DCAF12: variants seen among roughly 807,000 people sequenced by gnomAD.
DCAF12 encodes DDB1- and CUL4-associated factor 12.
DCAF12 carries 28 observed loss-of-function variants against 52.8 expected under a neutral mutation model. The observed-to-expected ratio is 0.53, with a 90% confidence interval of 0.39 to 0.73. The LOEUF (loss-of-function observed/expected upper bound fraction) is 0.73, where lower values mean the gene tolerates loss of function less well. Among genes scored for constraint, DCAF12 ranks in the 30% least tolerant of loss-of-function variants. DCAF12 has a pLI of 0.00. For missense variants in DCAF12, 425 were observed against 552.2 expected, an observed-to-expected ratio of 0.77 and a Z score of 2.31; for synonymous variants, 196 against 215.5, an observed-to-expected ratio of 0.91 and a Z score of 0.79.
chr9:34,088,632 G>T, intron 8 of DCAF12, 124 bp from the exon 9 acceptor site: 1 of 1,063,858 alleles, frequency 9.4e-7, no homozygotes, highest in Non-Finnish European at 1.4e-6. Context: ...ACAACCTCAT[G>T]TCAGGAGATT....
intron 2 of DCAF12, among the ~76,000 whole-genome samples, chr9:34,111,264 G>A (rs1042571163): frequency 1.3e-5 from 2 of 152,080 alleles, no homozygotes; most frequent in African/African-American, 4.8e-5. Flanking sequence ...CATTACAGGT[G>A]TGAGCCACCG....
At position 34,098,347 on chromosome 9, in the gene DCAF12, G is replaced by C; in HGVS notation, c.772C>G (p.Leu258Val). ...ACCTTGTTCTTGTTGTTGAAGGCCA[G>C]AGCCCGAACCTTGCAGTTGTCAGGG... The part of the protein sequence containing the change: ...TNPDNCKVRA[L>V]AFNNKNKELG... Residue 258 changes from leucine (L) to valine (V), a missense_variant, in exon 5 of 9, where the codon CTG becomes GTG. Leu to Val is a conservative substitution (Grantham distance 32). This residue lies in a region of DCAF12 where 328 missense variants were observed against 444.4 expected (regional missense o/e 0.74). Coordinates refer to ENST00000361264, the MANE Select transcript of DCAF12 (RefSeq NM_015397.4). 6.2e-7 allele frequency: 1 copy of C among 1,614,176 alleles called. No homozygotes were observed. The highest frequency in any genetic ancestry group is 8.5e-7 in the Non-Finnish European group (1 of 1,180,014).
At chr9:34,118,271 C>T (rs1346350634) in intron 2 of DCAF12, among the ~76,000 whole-genome samples, 1 of 152,042 alleles carries the variant, frequency 6.6e-6, no homozygotes, top group Non-Finnish European at 1.5e-5. Flanking sequence ...GTAGCCGGGA[C>T]CACAGGCATG....
At chr9:34,101,203 C>T (rs1239977097) in intron 4 of DCAF12, among the ~76,000 whole-genome samples, 1 of 151,660 alleles carries the variant, frequency 6.6e-6, no homozygotes, top group Non-Finnish European at 1.5e-5. Flanking sequence ...TCCCAAGTAG[C>T]TGGGTCTACA....
chr9:34,116,960 T>C (rs1262046046), intron 2 of DCAF12, among the ~76,000 whole-genome samples: 3 of 152,208 alleles, frequency 2.0e-5, no homozygotes, highest in South Asian at 2.1e-4. Context: ...GCCTGGGCAA[T>C]AGCGCGAGAC....
At position 34,110,985 on chromosome 9, in the gene DCAF12, G is replaced by GTTT. The variant is rs1204745952; in HGVS notation, c.334-3423_334-3421dup. Among the ~76,000 whole-genome samples the GTTT allele has an allele frequency of 1.7e-3, 219 of 125,936 alleles. 4 individuals carry two copies. Among genetic ancestry groups the GTTT allele is most frequent in the Middle Eastern group, 4.2e-3 (1 of 240 alleles). 82.6% of individuals were successfully genotyped at this position (125,936 alleles called of 152,430 possible). ...AGAAATGATTCTCCTATTCTTTTCT[G>GTTT]TTTTTTTTTTTTTTTTTTGAGACCA... On this transcript the variant is annotated intron_variant, in intron 2 of 8. Coordinates refer to ENST00000361264, the MANE Select transcript of DCAF12 (RefSeq NM_015397.4).
intron 2 of DCAF12, among the ~76,000 whole-genome samples, chr9:34,112,732 C>T (rs1223790782): frequency 6.6e-6 from 1 of 151,214 alleles, no homozygotes; most frequent in Non-Finnish European, 1.5e-5. Context: ...AAGCTTGTCT[C>T]TACTAAAAAT....
chr9:34,117,391 C>G (rs182721001), intron 2 of DCAF12, among the ~76,000 whole-genome samples: 21 of 151,604 alleles, frequency 1.4e-4, no homozygotes, highest in African/African-American at 4.8e-4. Flanking sequence ...ACCTCGTGAT[C>G]TGCCTGCCTC....
chr9:34,108,801 AT>A (rs200219078), intron 2 of DCAF12, among the ~76,000 whole-genome samples: 2,679 of 126,022 alleles, frequency 0.021, 75 homozygotes, highest in African/African-American at 0.05. Flanking sequence ...CTCAAAAAAA[AT>A]AAATAAATAA....
At chr9:34,108,596 A>G (rs1828942290) in intron 2 of DCAF12, among the ~76,000 whole-genome samples, 1 of 152,054 alleles carries the variant, frequency 6.6e-6, no homozygotes, top group Non-Finnish European at 1.5e-5. Flanking sequence ...GTTCGAGATC[A>G]GCCTGGCTAA....
At chr9:34,117,059 C>G (rs534961988) in intron 2 of DCAF12, among the ~76,000 whole-genome samples, 1 of 152,276 alleles carries the variant, frequency 6.6e-6, no homozygotes, top group African/African-American at 2.4e-5. Context: ...TAAACTGTTC[C>G]TACACAAGAT....
chr9:34,096,867 G>A, intron 5 of DCAF12, 86 bp from the exon 6 acceptor site: 1 of 1,245,302 alleles, frequency 8.0e-7, no homozygotes, highest in Non-Finnish European at 1.2e-6. Context: ...TAAGGTCAGG[G>A]TCCTTTATTC....
chr9:34,110,674 G>A (rs35359814), intron 2 of DCAF12, among the ~76,000 whole-genome samples: 1 of 152,080 alleles, frequency 6.6e-6, no homozygotes, highest in Non-Finnish European at 1.5e-5. Context: ...GAACAGCTCA[G>A]GCAGCACAGT....
Position 34,095,108 on chromosome 9 carries a change from C to T in DCAF12, c.861+1608G>A, listed in dbSNP as rs373216067. On this transcript the variant is annotated intron_variant, in intron 6 of 8. Transcript: ENST00000361264. ...CTTTTTTTTTTGAGAGAGAGTCTTGCTCTGTTGCCAGGCTGGAGTGCAGTG... is the reference window on the plus strand; with the variant it reads ...CTTTTTTTTTTGAGAGAGAGTCTTGTTCTGTTGCCAGGCTGGAGTGCAGTG... 4.4e-3 allele frequency among the ~76,000 whole-genome samples: 664 copies of T among 151,630 alleles called. 3 individuals carry two copies. Among genetic ancestry groups the T allele is most frequent in the Non-Finnish European group, 7.4e-3 (504 of 67,912 alleles).
At chr9:34,125,823 G>C (rs1023531786) in intron 1 of DCAF12, 1 of 296,958 alleles carries the variant, frequency 3.4e-6, no homozygotes, top group Non-Finnish European at 6.9e-6. Flanking sequence ...GGAAATCAGA[G>C]GCCATATCTA....
intron 2 of DCAF12, among the ~76,000 whole-genome samples, chr9:34,124,265 T>C (rs1044797070): frequency 1.3e-5 from 2 of 152,196 alleles, no homozygotes; most frequent in African/African-American, 4.8e-5. Context: ...GGCGTAATCA[T>C]TTCCCACCCC....
intron 2 of DCAF12, among the ~76,000 whole-genome samples, chr9:34,112,872 T>A (rs1167330736): frequency 6.6e-6 from 1 of 151,946 alleles, no homozygotes; most frequent in African/African-American, 2.4e-5. Context: ...CACTCCAACC[T>A]GGGCAATAAG....
chr9:34,098,611 T>C, intron 4 of DCAF12, 94 bp from the exon 5 acceptor site: 1 of 1,345,214 alleles, frequency 7.4e-7, no homozygotes, highest in South Asian at 1.4e-5. Context: ...TCTAGCTGTT[T>C]GTGCATCATC....
At chr9:34,101,874 G>C (rs1451629341) in intron 4 of DCAF12, among the ~76,000 whole-genome samples, 1 of 151,888 alleles carries the variant, frequency 6.6e-6, no homozygotes, top group East Asian at 2.0e-4. Flanking sequence ...AAATTAGCCA[G>C]GCGTGGTGGG....
Sources: allele counts gnomAD v4.1 joint callset (sites outside exome capture counted in the v4.1 genomes callset), GRCh38; gene constraint gnomAD v4.1.1; regional missense constraint gnomAD v4.1.1; transcripts MANE v1.5; gene names NCBI Gene and HGNC (gene_info 2026-07-23, HGNC 2026-07-21).